CATSPERD: variants seen among roughly 807,000 people sequenced by gnomAD.
CATSPERD encodes cation channel sperm-associated auxiliary subunit delta.
In CATSPERD, 86 loss-of-function variants were observed where a neutral mutation model predicts 98.1. That is an observed-to-expected ratio of 0.88 (90% CI 0.74 to 1.05). The LOEUF (loss-of-function observed/expected upper bound fraction) is 1.05. Ranked by LOEUF, CATSPERD falls within the 50% of genes least tolerant of loss-of-function variation. CATSPERD has a pLI of 0.00. For missense variants in CATSPERD, 995 were observed against 1,005.7 expected, an observed-to-expected ratio of 0.99 and a Z score of 0.14; for synonymous variants, 394 against 390.2, an observed-to-expected ratio of 1.01 and a Z score of -0.12.
chr19:5,753,735 T>A, intron 12 of CATSPERD: 1 of 264,376 alleles, frequency 3.8e-6, no homozygotes, highest in Middle Eastern at 1.3e-3. Flanking sequence ...TAGCCGGGCA[T>A]GGTGGTGCAC....
At chr19:5,722,766 A>G (rs1276351787) in intron 1 of CATSPERD, among the ~76,000 whole-genome samples, 1 of 148,846 alleles carries the variant, frequency 6.7e-6, no homozygotes, top group East Asian at 2.0e-4. Context: ...TCTGATGCAT[A>G]TTCAAGATTG....
At chr19:5,742,379 G>C (rs776137240) in intron 7 of CATSPERD, among the ~76,000 whole-genome samples, 27 of 152,132 alleles carry the variant, frequency 1.8e-4, no homozygotes, top group Non-Finnish European at 3.4e-4. Context: ...TGTGGCAGTG[G>C]AATTGTTTTT....
Position 5,729,945 on chromosome 19 carries a change from G to A in CATSPERD, c.276+1G>A, listed in dbSNP as rs1365439126. On this transcript the variant is annotated splice_donor_variant, in intron 4 of 21. Transcript: ENST00000381624. LOFTEE classifies it high-confidence loss of function. Reference sequence around the variant, plus strand: ...ATTTACCATCCCTACATCAATGCAGGTAGTTATTTTACTGAGTGATCTGAA... The same window carrying A: ...ATTTACCATCCCTACATCAATGCAGATAGTTATTTTACTGAGTGATCTGAA... 2.6e-6 allele frequency: 4 copies of A among 1,544,460 alleles called. No homozygotes were observed. Among genetic ancestry groups the A allele is most frequent in the East Asian group, 2.3e-5 (1 of 44,296 alleles).
chr19:5,742,090 TA>T, intron 7 of CATSPERD, among the ~76,000 whole-genome samples: 1 of 151,910 alleles, frequency 6.6e-6, no homozygotes, highest in Non-Finnish European at 1.5e-5. Flanking sequence ...CTAGCATCAC[TA>T]AAATTCCCAA....
chr19:5,741,789 G>GT (rs1379588357), intron 7 of CATSPERD, among the ~76,000 whole-genome samples: 1 of 101,646 alleles, frequency 9.8e-6, no homozygotes, highest in African/African-American at 3.6e-5. Flanking sequence ...TGAAGGCGGG[G>GT]GGGGGGGGGT....
At chr19:5,758,123 C>T (rs866378100) in intron 14 of CATSPERD, among the ~76,000 whole-genome samples, 191 bp downstream of exon 14, 1 of 152,176 alleles carries the variant, frequency 6.6e-6, no homozygotes, top group Admixed American at 6.6e-5. Context: ...GGGAGAGACC[C>T]GGATGGCATG....
At chr19:5,770,752 G>A (rs1016004817) in intron 18 of CATSPERD, among the ~76,000 whole-genome samples, 192 bp from the exon 19 acceptor site, 5 of 152,106 alleles carry the variant, frequency 3.3e-5, no homozygotes, top group African/African-American at 9.7e-5. Flanking sequence ...CTATGCTCCA[G>A]CCAAAAAATT....
intron 6 of CATSPERD, 27 bp downstream of exon 6, chr19:5,737,232 T>C (rs771894985): frequency 4.0e-6 from 6 of 1,492,166 alleles, no homozygotes; most frequent in South Asian, 1.1e-5. Context: ...AATTGTTCAT[T>C]TTTTTTTGCT....
intron 6 of CATSPERD, among the ~76,000 whole-genome samples, chr19:5,737,712 T>TG (rs2055876684): frequency 6.6e-6 from 1 of 151,498 alleles, no homozygotes. Flanking sequence ...TAGCCAGGCA[T>TG]GGTGGCGTGT....
In CATSPERD at chr19:5,759,156, C is replaced by T; in HGVS notation, c.1427+12C>T. 3.1e-6 allele frequency: 5 copies of T among 1,613,612 alleles called. No individual in the cohort carries two copies. Among genetic ancestry groups the T allele is most frequent in the Admixed American group, 1.7e-5 (1 of 59,974 alleles). ...AACTTCACTTCCAGGTATGTTGTCT[C>T]CTGGGAGAGGCGGGGACTGGGCTGC... On this transcript the variant is annotated intron_variant, in intron 15 of 21. Transcript: ENST00000381624.
intron 5 of CATSPERD, among the ~76,000 whole-genome samples, chr19:5,734,436 C>T (rs1373438045): frequency 1.4e-4 from 21 of 152,050 alleles, no homozygotes; most frequent in African/African-American, 7.2e-5. Context: ...GTCAGGAGTT[C>T]GAGACCAGCC....
At chr19:5,739,846 A>AAAAAAAAAGAAAT (rs1568348347) in intron 7 of CATSPERD, among the ~76,000 whole-genome samples, 1 of 151,668 alleles carries the variant, frequency 6.6e-6, no homozygotes, top group African/African-American at 2.4e-5. Flanking sequence ...CTCAAAAAAA[A>AAAAAAAAAGAAAT]AAAAAAAGTC....
intron 17 of CATSPERD, among the ~76,000 whole-genome samples, chr19:5,767,749 G>A (rs969074368): frequency 2.0e-5 from 3 of 146,784 alleles, no homozygotes; most frequent in South Asian, 4.5e-4. Flanking sequence ...GAGCCACCGC[G>A]CCTGGCCTGC....
rs536869471 is a variant in CATSPERD, at chr19:5,734,210, CAA to C, written c.391+241_391+242del. Among the ~76,000 whole-genome samples the C allele has an allele frequency of 5.1e-4, 77 of 152,256 alleles. 1 individual carries two copies. The highest frequency in any genetic ancestry group is 1.9e-3 in the African/African-American group (77 of 41,564). On this transcript the variant is annotated intron_variant, in intron 5 of 21. Transcript: ENST00000381624. The stretch of plus-strand genomic sequence containing the variant: ...AGCTACTTGGGCTTATTGAAACAAA[CAA>C]GAGGCATTGGCCGGGTGCGCTGGCT...
In CATSPERD at chr19:5,742,118, G is replaced by A. The variant is rs373517342; in HGVS notation, c.574-2309G>A. Reference sequence around the variant, plus strand: ...AATTCCCAATTATTACTAAAATAGCGTTTGTGTGTGCGTGTGTGCGCGTGT... The same window carrying A: ...AATTCCCAATTATTACTAAAATAGCATTTGTGTGTGCGTGTGTGCGCGTGT... On this transcript the variant is annotated intron_variant, in intron 7 of 21. Coordinates refer to ENST00000381624, the MANE Select transcript of CATSPERD (RefSeq NM_152784.4). Among the ~76,000 whole-genome samples the A allele has an allele frequency of 9.9e-5, 15 of 151,614 alleles. 1 individual carries two copies. Among genetic ancestry groups the A allele is most frequent in the East Asian group, 9.6e-4 (5 of 5,184 alleles).
intron 20 of CATSPERD, among the ~76,000 whole-genome samples, chr19:5,775,648 CAA>C (rs1156270373): frequency 1.6e-4 from 10 of 61,466 alleles, no homozygotes; most frequent in Non-Finnish European, 1.7e-4. Context: ...AACCCCATCT[CAA>C]AAAAAAAAAA....
At chr19:5,741,323 G>A (rs1421455693) in intron 7 of CATSPERD, among the ~76,000 whole-genome samples, 3 of 152,118 alleles carry the variant, frequency 2.0e-5, no homozygotes, top group Non-Finnish European at 4.4e-5. Context: ...ATCTGAGACC[G>A]AGTAATTTAT....
chr19:5,768,282 G>C (rs747394634), intron 18 of CATSPERD, 40 bp downstream of exon 18: 2 of 1,543,146 alleles, frequency 1.3e-6, no homozygotes, highest in South Asian at 2.3e-5. Context: ...CACCCAAGGC[G>C]ACCATTGGGC....
In CATSPERD at chr19:5,768,340, A is replaced by ATTTG. The variant is rs1599589170; in HGVS notation, c.1634+101_1634+102insGTTT. On this transcript the variant is annotated intron_variant, in intron 18 of 21. Transcript: ENST00000381624. ...AGGAATTTTATTTATTTATTTATTT[A>ATTTG]TTTATTATTATTATTGAGATGGAGT... is the stretch of plus-strand genomic sequence containing the variant. 7 of 754,908 alleles carry ATTTG rather than the reference A, an allele frequency of 9.3e-6. 1 individual carries two copies. In the East Asian group the frequency reaches 3.0e-4, roughly 32 times the overall value. 46.8% of individuals were successfully genotyped at this position (754,908 alleles called of 1,614,324 possible).
Sources: gnomAD v4.1 joint callset for allele counts (sites outside exome capture counted in the v4.1 genomes callset) on GRCh38, gnomAD v4.1.1 for gene constraint, MANE v1.5 for transcripts, NCBI Gene and HGNC (gene_info 2026-07-23, HGNC 2026-07-21) for gene names.